Variants in PDLIM5 observed in about 807,000 individuals in gnomAD.
PDLIM5 encodes the protein PDZ and LIM domain 5.
Under a neutral mutation model 64.2 loss-of-function variants are expected in PDLIM5, and 34 were observed. The observed-to-expected ratio is 0.53, with a 90% CI of 0.40 to 0.71. The LOEUF (loss-of-function observed/expected upper bound fraction) is 0.71, where lower values mean the gene tolerates loss of function less well. Among genes scored for constraint, PDLIM5 ranks in the 30% least tolerant of loss-of-function variants. PDLIM5 has a pLI of 0.00. For missense variants in PDLIM5, 683 were observed against 733.6 expected (o/e 0.93, Z 0.80); for synonymous variants, 253 against 269.1 (o/e 0.94, Z 0.59).
chr4:94,478,875 G>A (rs1725569662), intron 2 of PDLIM5, among the ~76,000 whole-genome samples: 1 of 146,152 alleles, frequency 6.8e-6, no homozygotes, highest in Non-Finnish European at 1.5e-5. Context: ...CCAAAAGAAG[G>A]TAGGTGTGCT....
chr4:94,513,679 G>A (rs189724421), intron 2 of PDLIM5, among the ~76,000 whole-genome samples: 8 of 152,106 alleles, frequency 5.3e-5, no homozygotes, highest in African/African-American at 1.9e-4. Context: ...AGGATAATTT[G>A]ACTTCTTCCT....
intron 7 of PDLIM5, among the ~76,000 whole-genome samples, chr4:94,597,484 G>T (rs1339589921): frequency 6.6e-6 from 1 of 152,152 alleles, no homozygotes; most frequent in African/African-American, 2.4e-5. Flanking sequence ...AAAAACAGAA[G>T]TGATGTCGTC....
intron 2 of PDLIM5, among the ~76,000 whole-genome samples, chr4:94,484,525 A>C (rs1220627565): frequency 6.6e-6 from 1 of 152,192 alleles, no homozygotes; most frequent in Admixed American, 6.5e-5. Context: ...AACTTAAGAA[A>C]ACTCTTTTAC....
At chr4:94,478,303 A>G (rs1360856171) in intron 2 of PDLIM5, among the ~76,000 whole-genome samples, 2 of 151,720 alleles carry the variant, frequency 1.3e-5, no homozygotes, top group Admixed American at 6.6e-5. Flanking sequence ...ATATAATGCA[A>G]AATACATGTT....
At chr4:94,586,946 C>G (rs541910225) in intron 7 of PDLIM5, 1 of 1,448,690 alleles carries the variant, frequency 6.9e-7, no homozygotes, top group Non-Finnish European at 9.4e-7. Flanking sequence ...TCTTATGACT[C>G]TTCTATCACT....
At chr4:94,546,219 T>C (rs1339735127) in intron 3 of PDLIM5, among the ~76,000 whole-genome samples, 2 of 152,198 alleles carry the variant, frequency 1.3e-5, no homozygotes, top group East Asian at 1.9e-4. Flanking sequence ...CCAAATGATA[T>C]TGCATTGTCA....
At chr4:94,519,910 A>C (rs773589208) in intron 2 of PDLIM5, among the ~76,000 whole-genome samples, 4 of 152,198 alleles carry the variant, frequency 2.6e-5, no homozygotes, top group African/African-American at 9.7e-5. Flanking sequence ...TTTCAAGAGA[A>C]GACTTCTTGT....
intron 7 of PDLIM5, chr4:94,610,970 T>C: frequency 1.2e-6 from 1 of 838,902 alleles, no homozygotes. Context: ...CCACCCTCTC[T>C]CTCGTAAAGG....
At chr4:94,521,765 T>C (rs943305022) in intron 2 of PDLIM5, among the ~76,000 whole-genome samples, 5 of 152,052 alleles carry the variant, frequency 3.3e-5, no homozygotes, top group Non-Finnish European at 7.4e-5. Context: ...TTAGAACAAA[T>C]GCCCATAGAT....
At chr4:94,631,878 G>A (rs1392587353) in intron 8 of PDLIM5, among the ~76,000 whole-genome samples, 4 of 152,148 alleles carry the variant, frequency 2.6e-5, no homozygotes, top group Non-Finnish European at 5.9e-5. Context: ...TACTTTCCCT[G>A]AAACAGTCTC....
chr4:94,519,722 C>T (rs1729666945), intron 2 of PDLIM5, among the ~76,000 whole-genome samples: 1 of 152,032 alleles, frequency 6.6e-6, no homozygotes, highest in African/African-American at 2.4e-5. Flanking sequence ...TTTCTTAGGA[C>T]AGTAAAACAC....
In PDLIM5 at chr4:94,654,723, TTTTTA is replaced by T. The variant is rs1742083467; in HGVS notation, c.1464+88_1464+92del. ...TATGAAAGTCTTCTATCACTTTAAC[TTTTTA>T]TTTTCTTCTTGCTTTATGCCCTCTC... On this transcript the variant is annotated intron_variant, in intron 10 of 12. Coordinates refer to ENST00000317968, the MANE Select transcript of PDLIM5 (RefSeq NM_006457.5). 7.9e-6 allele frequency: 7 copies of T among 891,474 alleles called. No homozygotes were observed. In the East Asian group the frequency reaches 1.7e-4, roughly 22 times the overall value. 55.2% of individuals were successfully genotyped at this position (891,474 alleles called of 1,614,324 possible).
chr4:94,617,895 T>C (rs1738913105), intron 7 of PDLIM5, 109 bp from the exon 8 acceptor site: 1 of 558,860 alleles, frequency 1.8e-6, no homozygotes, highest in Non-Finnish European at 3.0e-6. Context: ...TTCTAAAGAA[T>C]TGATTAATCA....
chr4:94,460,431 A>G (rs1223824750), intron 2 of PDLIM5, among the ~76,000 whole-genome samples: 1 of 152,160 alleles, frequency 6.6e-6, no homozygotes. Context: ...TTTGTATCTG[A>G]TGGAGGAAAC....
intron 12 of PDLIM5, among the ~76,000 whole-genome samples, chr4:94,663,101 AAAAT>A (rs1196656318): frequency 6.6e-6 from 1 of 152,186 alleles, no homozygotes; most frequent in Non-Finnish European, 1.5e-5. Context: ...TTCAAATATT[AAAAT>A]AAATAGTTTT....
At position 94,575,851 on chromosome 4, in the gene PDLIM5, C is replaced by T. The variant is rs1377492273; in HGVS notation, c.527C>T (p.Ala176Val). The T allele has an allele frequency of 1.2e-6, 2 of 1,614,056 alleles. No individual in the cohort carries two copies. Among genetic ancestry groups the T allele is most frequent in the African/African-American group, 2.7e-5 (2 of 74,918 alleles). Residue 176 changes from alanine to valine, a missense_variant, in exon 5 of 13, where the codon GCA becomes GTA. Ala to Val is a moderately conservative substitution (Grantham distance 64). Transcript: ENST00000317968. ...GCCGTCACTCCTCCCCTGTTCGCTG[C>T]ATCTGGACTGCATGCTAATGCCAAT... Reference protein sequence around the residue: ...VAAVTPPLFAASGLHANANLS... With the variant: ...VAAVTPPLFAVSGLHANANLS...
intron 3 of PDLIM5, among the ~76,000 whole-genome samples, chr4:94,539,540 G>GAA (rs1731598341): frequency 6.6e-6 from 1 of 152,112 alleles, no homozygotes; most frequent in Non-Finnish European, 1.5e-5. Context: ...GTAGATAAAA[G>GAA]AAATGCATCT....
chr4:94,666,248 T>A lies in PDLIM5; in HGVS notation c.*2181T>A, dbSNP rs1743076178. ...ATCTGTCCTGAAAGCTGTTAATTTA[T>A]GGTCTAGCAGATTTATATTATATGC... On this transcript the variant is annotated 3_prime_UTR_variant, in exon 13 of 13. Coordinates refer to ENST00000317968, the MANE Select transcript of PDLIM5 (RefSeq NM_006457.5). The A allele has an allele frequency of 4.3e-6, 2 of 462,268 alleles. No homozygotes were observed. The highest frequency in any genetic ancestry group is 2.0e-5 in the African/African-American group (1 of 49,934). The allele number at this position is 462,268 out of a possible 1,614,324, so 28.6% of individuals were successfully genotyped here. A position where few individuals can be genotyped will look rare whatever the true frequency, so the allele number is the denominator to read the frequency against.
At chr4:94,563,508 A>G (rs576067446) in intron 3 of PDLIM5, among the ~76,000 whole-genome samples, 2 of 152,362 alleles carry the variant, frequency 1.3e-5, no homozygotes, top group African/African-American at 4.8e-5. Context: ...TGTTCTACAC[A>G]GAAGATAGCA....
Sources: allele counts gnomAD v4.1 joint callset (sites outside exome capture counted in the v4.1 genomes callset), GRCh38; gene constraint gnomAD v4.1.1; transcripts MANE v1.5; gene names NCBI Gene and HGNC (gene_info 2026-07-23, HGNC 2026-07-21).